RNF144A: variants seen among roughly 807,000 people sequenced by gnomAD.
RNF144A encodes the protein ring finger protein 144A.
Under a neutral mutation model 38.7 loss-of-function variants are expected in RNF144A, and 11 were observed. That is an observed-to-expected ratio of 0.28 (90% CI 0.18 to 0.47). The LOEUF (loss-of-function observed/expected upper bound fraction) is 0.47. Among genes scored for constraint, RNF144A ranks in the 20% least tolerant of loss-of-function variants. The pLI is 0.99. For synonymous variants in RNF144A, 149 were observed against 143.9 expected, an observed-to-expected ratio of 1.04 and a Z score of -0.25; for missense variants, 316 against 377.2, an observed-to-expected ratio of 0.84 and a Z score of 1.34.
intron 1 of RNF144A, among the ~76,000 whole-genome samples, chr2:6,930,912 C>G (rs1665168223): frequency 6.6e-6 from 1 of 152,120 alleles, no homozygotes; most frequent in South Asian, 2.1e-4. Context: ...ATATTTCAAC[C>G]AATAAATCCA....
intron 1 of RNF144A, among the ~76,000 whole-genome samples, chr2:6,934,657 C>A (rs571141744): frequency 6.6e-6 from 1 of 152,198 alleles, no homozygotes; most frequent in East Asian, 1.9e-4. Flanking sequence ...CCTATTTTTT[C>A]CCCACCTATA....
intron 7 of RNF144A, among the ~76,000 whole-genome samples, chr2:7,025,022 C>T (rs552215139): frequency 6.6e-6 from 1 of 152,286 alleles, no homozygotes; most frequent in South Asian, 2.1e-4. Flanking sequence ...GGCTTGGGGC[C>T]AGTCTTAAGA....
intron 2 of RNF144A, among the ~76,000 whole-genome samples, chr2:6,948,369 A>C (rs915637323): frequency 1.3e-5 from 2 of 152,242 alleles, no homozygotes; most frequent in Non-Finnish European, 2.9e-5. Context: ...GGACACATGA[A>C]ATACCTCATG....
At chr2:7,049,984 G>T (rs1673452847) in intron 6 of RNF144A, among the ~76,000 whole-genome samples, 1 of 152,210 alleles carries the variant, frequency 6.6e-6, no homozygotes, top group Non-Finnish European at 1.5e-5. Context: ...AATCTCCTCG[G>T]CTTTTTCAGT....
intron 6 of RNF144A, among the ~76,000 whole-genome samples, chr2:7,059,675 C>A (rs1467065509): frequency 6.6e-6 from 1 of 152,182 alleles, no homozygotes; most frequent in Non-Finnish European, 1.5e-5. Flanking sequence ...CAGGTGCCAG[C>A]AACCAGAGTC....
chr2:7,068,932 G>A (rs1674348132), downstream of RNF144A, among the ~76,000 whole-genome samples: 1 of 152,166 alleles, frequency 6.6e-6, no homozygotes, highest in African/African-American at 2.4e-5. Flanking sequence ...CAGCCTCCGA[G>A]GTGAGTGTGT....
rs995807646 is a variant in RNF144A, at chr2:6,943,979, G to C, written c.-12+2832G>C. ...ACTGCATGCTTCTCTAGACAGCCCT[G>C]ATGGGGAGTTGAAGTGTGCAGGAGG... On this transcript the variant is annotated intron_variant, in intron 2 of 8. Transcript: ENST00000320892. This position sits in a 1 kb window ranked among gnomAD's most constrained non-coding sequence, Gnocchi z 4.3. Among the ~76,000 whole-genome samples the C allele has an allele frequency of 1.3e-5, 2 of 152,180 alleles. No individual in the cohort carries two copies. The highest frequency in any genetic ancestry group is 2.9e-5 in the Non-Finnish European group (2 of 68,018).
intron 3 of RNF144A, among the ~76,000 whole-genome samples, chr2:7,009,899 G>A (rs1240937174): frequency 6.6e-6 from 1 of 152,218 alleles, no homozygotes; most frequent in East Asian, 1.9e-4. Flanking sequence ...CTGTTGCCAG[G>A]TGTCTGGCTA....
At chr2:6,978,468 A>G (rs1668439424) in intron 2 of RNF144A, among the ~76,000 whole-genome samples, 1 of 151,968 alleles carries the variant, frequency 6.6e-6, no homozygotes, top group South Asian at 2.1e-4. Context: ...AGGGGTAAAA[A>G]CCCAAGTTCG....
chr2:7,058,920 G>A (rs1249300453), intron 6 of RNF144A, among the ~76,000 whole-genome samples: 1 of 152,050 alleles, frequency 6.6e-6, no homozygotes, highest in Non-Finnish European at 1.5e-5. Flanking sequence ...TGCATCACCT[G>A]TATGTATGCA....
At chr2:7,016,567 C>A (rs370180437) in intron 5 of RNF144A, among the ~76,000 whole-genome samples, 1 of 148,502 alleles carries the variant, frequency 6.7e-6, no homozygotes. Flanking sequence ...AAAAAAAAAT[C>A]TCTCAAGCCT....
At chr2:7,003,751 G>A (rs1670265665) in intron 3 of RNF144A, among the ~76,000 whole-genome samples, 1 of 152,246 alleles carries the variant, frequency 6.6e-6, no homozygotes, top group Non-Finnish European at 1.5e-5. Context: ...TGTGAGCAAA[G>A]CCTGCGAGAG....
chr2:7,016,618 T>A (rs934421696), intron 5 of RNF144A, among the ~76,000 whole-genome samples: 96 of 148,488 alleles, frequency 6.5e-4, no homozygotes, highest in Middle Eastern at 3.4e-3. Flanking sequence ...TTCAAAGTTT[T>A]TTTTTTTTTA....
At chr2:7,018,219 C>T (rs1326491714) in intron 5 of RNF144A, among the ~76,000 whole-genome samples, 2 of 152,216 alleles carry the variant, frequency 1.3e-5, no homozygotes, top group African/African-American at 4.8e-5. Context: ...GGCAGCGCTG[C>T]CCTTCTGGAT....
At chr2:7,026,645 C>T (rs569301136) in intron 7 of RNF144A, among the ~76,000 whole-genome samples, 128 of 152,224 alleles carry the variant, frequency 8.4e-4, no homozygotes, top group African/African-American at 2.1e-3. Flanking sequence ...GAGCCCCGTG[C>T]GGATCATTTG....
intron 6 of RNF144A, among the ~76,000 whole-genome samples, chr2:7,066,694 C>T (rs1161132405): frequency 6.6e-6 from 1 of 152,116 alleles, no homozygotes; most frequent in African/African-American, 2.4e-5. Context: ...GTCAATAAAG[C>T]CTCTTGGAAA....
intron 2 of RNF144A, among the ~76,000 whole-genome samples, chr2:6,970,094 G>T (rs946634068): frequency 6.6e-6 from 1 of 152,168 alleles, no homozygotes; most frequent in African/African-American, 2.4e-5. Flanking sequence ...CAGGCTATGT[G>T]GGTATAAGGT....
chr2:7,029,692 C>T (rs1281208062), intron 7 of RNF144A, among the ~76,000 whole-genome samples: 3 of 152,218 alleles, frequency 2.0e-5, no homozygotes, highest in African/African-American at 7.2e-5. Context: ...AGGAAGATGC[C>T]AGGGCAGAGG....
intron 2 of RNF144A, among the ~76,000 whole-genome samples, chr2:6,993,212 T>A (rs1669509071): frequency 6.6e-6 from 1 of 152,198 alleles, no homozygotes; most frequent in Admixed American, 6.5e-5. Flanking sequence ...AGACTGTGTA[T>A]TCTGTTGGGG....
Sources: allele counts gnomAD v4.1 joint callset (sites outside exome capture counted in the v4.1 genomes callset), GRCh38; gene constraint gnomAD v4.1.1; non-coding constraint Gnocchi (gnomAD v3.1); transcripts MANE v1.5; gene names NCBI Gene and HGNC (gene_info 2026-07-23, HGNC 2026-07-21).